RORA: variants seen among roughly 807,000 people sequenced by gnomAD.
The protein encoded by RORA is RAR related orphan receptor A, also known as nuclear receptor ROR-alpha.
A neutral mutation model predicts 69.5 loss-of-function variants in RORA; 7 were observed. That is an observed-to-expected ratio of 0.10 (90% CI 0.06 to 0.19). The LOEUF is 0.19. Ranked by LOEUF, RORA falls within the 10% of genes least tolerant of loss-of-function variation. The pLI, the probability that RORA is intolerant of heterozygous loss-of-function variation, is 1.00. For missense variants in RORA, 457 were observed against 663.0 expected, an observed-to-expected ratio of 0.69 and a Z score of 3.41; for synonymous variants, 261 against 240.8, an observed-to-expected ratio of 1.08 and a Z score of -0.78.
At chr15:61,120,210 T>C (rs554938497) in intron 1 of RORA, among the ~76,000 whole-genome samples, 2 of 152,092 alleles carry the variant, frequency 1.3e-5, no homozygotes, top group African/African-American at 2.4e-5. Context: ...TAAAAATTTA[T>C]TAGGCCATAT....
At chr15:60,679,282 G>A (rs2070605977) in intron 1 of RORA, among the ~76,000 whole-genome samples, 1 of 152,136 alleles carries the variant, frequency 6.6e-6, no homozygotes, top group South Asian at 2.1e-4. Flanking sequence ...TCATACAGTT[G>A]AAACACAACT....
intron 1 of RORA, among the ~76,000 whole-genome samples, chr15:61,223,257 T>C (rs1430917848): frequency 7.2e-6 from 1 of 138,626 alleles, no homozygotes; most frequent in Admixed American, 8.3e-5. Flanking sequence ...GAGGTTGTAC[T>C]GAGCTGAGAT....
chr15:60,568,245 T>C (rs1187449407), intron 2 of RORA, among the ~76,000 whole-genome samples: 1 of 152,114 alleles, frequency 6.6e-6, no homozygotes. Flanking sequence ...CTGTGCACCT[T>C]TCTGTTCTGC....
intron 1 of RORA, among the ~76,000 whole-genome samples, chr15:60,846,844 C>T (rs1288501555): frequency 2.0e-5 from 3 of 152,308 alleles, no homozygotes; most frequent in Non-Finnish European, 4.4e-5. Flanking sequence ...ATCGAATATG[C>T]TTCTCACATA....
chr15:61,227,803 G>A (rs1596087304), intron 1 of RORA, among the ~76,000 whole-genome samples: 1 of 152,156 alleles, frequency 6.6e-6, no homozygotes, highest in Non-Finnish European at 1.5e-5. Context: ...CGGCTCGCGC[G>A]AGCACGCTTC....
Position 61,009,362 on chromosome 15 carries a change from A to G in RORA, c.166+219691T>C, listed in dbSNP as rs1183815127. 3.3e-5 allele frequency among the ~76,000 whole-genome samples: 5 copies of G among 152,244 alleles called. No individual in the cohort carries two copies. The South Asian group carries it at 8.3e-4, about 25-fold the overall frequency. ...GGGCTTGCAGCCCTCGTTTCACTCT[A>G]ATGAAAGAAACTGCCACAACTCTGG... On this transcript the variant is annotated intron_variant, in intron 1 of 10. Transcript: ENST00000335670.
intron 1 of RORA, among the ~76,000 whole-genome samples, chr15:60,834,923 A>C (rs2073096650): frequency 6.6e-6 from 1 of 152,248 alleles, no homozygotes; most frequent in East Asian, 1.9e-4. Context: ...TCCAAAAAAA[A>C]ACTATCTTTG....
chr15:60,522,872 C>A (rs2066218380), intron 3 of RORA, among the ~76,000 whole-genome samples: 1 of 151,448 alleles, frequency 6.6e-6, no homozygotes, highest in African/African-American at 2.4e-5. Context: ...GAGTTCGAGA[C>A]CAGCCTGACC....
intron 1 of RORA, among the ~76,000 whole-genome samples, chr15:60,710,158 T>C (rs2071123670): frequency 6.6e-6 from 1 of 152,204 alleles, no homozygotes; most frequent in Non-Finnish European, 1.5e-5. Flanking sequence ...TATCTTGCCT[T>C]GCACTTAGAC....
At chr15:60,622,623 G>T (rs2069447369) in intron 2 of RORA, among the ~76,000 whole-genome samples, 1 of 152,156 alleles carries the variant, frequency 6.6e-6, no homozygotes, top group East Asian at 1.9e-4. Context: ...GCCAGACCCG[G>T]TCTCAAACAA....
At chr15:60,693,535 T>C (rs1567158730) in intron 1 of RORA, among the ~76,000 whole-genome samples, 1 of 152,124 alleles carries the variant, frequency 6.6e-6, no homozygotes, top group Non-Finnish European at 1.5e-5. Flanking sequence ...TGATCCTATA[T>C]CTAGAAAACC....
intron 1 of RORA, among the ~76,000 whole-genome samples, chr15:61,043,841 G>C (rs1053929044): frequency 3.3e-5 from 5 of 152,080 alleles, no homozygotes; most frequent in African/African-American, 1.2e-4. Flanking sequence ...TGGCTGGTAC[G>C]ACAGGTGGTG....
At chr15:60,769,358 C>T (rs2072038650) in intron 1 of RORA, among the ~76,000 whole-genome samples, 1 of 152,118 alleles carries the variant, frequency 6.6e-6, no homozygotes, top group African/African-American at 2.4e-5. Flanking sequence ...GTTAGGTGCT[C>T]TTACATGGTA....
intron 10 of RORA, among the ~76,000 whole-genome samples, chr15:60,497,927 C>T (rs1198776761): frequency 4.0e-5 from 6 of 151,716 alleles, no homozygotes; most frequent in East Asian, 1.9e-4. Flanking sequence ...GGCATGGCAG[C>T]GTGCGCCTGT....
rs1405644437 is a variant in RORA, at chr15:60,516,039, T to TTATATATTTA, written c.283-1292_283-1283dup. On this transcript the variant is annotated intron_variant, in intron 3 of 10. Coordinates refer to ENST00000335670, the MANE Select transcript of RORA (RefSeq NM_134261.3). ...TATATATTTATATATTTATATATAT[T>TTATATATTTA]TATATATTTATATATATTTATATAT... 4.3e-4 allele frequency among the ~76,000 whole-genome samples: 5 copies of TTATATATTTA among 11,664 alleles called. 1 individual carries two copies. The highest frequency in any genetic ancestry group is 1.6e-3 in the African/African-American group (5 of 3,140). 7.7% of individuals were successfully genotyped at this position (11,664 alleles called of 152,430 possible).
intron 2 of RORA, among the ~76,000 whole-genome samples, chr15:60,662,391 T>C (rs1423231474): frequency 6.6e-6 from 1 of 152,218 alleles, no homozygotes; most frequent in African/African-American, 2.4e-5. Context: ...ACTGTCAAAA[T>C]CTAAAAAGTA....
intron 5 of RORA, among the ~76,000 whole-genome samples, chr15:60,509,489 T>C (rs993877148): frequency 6.6e-6 from 1 of 152,242 alleles, no homozygotes; most frequent in Non-Finnish European, 1.5e-5. Flanking sequence ...CAGCCATTTC[T>C]GGCCCCACTT....
chr15:60,895,968 A>G (rs1891222211), intron 1 of RORA, among the ~76,000 whole-genome samples: 1 of 152,228 alleles, frequency 6.6e-6, no homozygotes, highest in Admixed American at 6.5e-5. Flanking sequence ...AAACCTTTTC[A>G]ATGGCAGCCT....
In RORA at chr15:60,507,215, A is replaced by G. The variant is rs367764663; in HGVS notation, c.821-1586T>C. On this transcript the variant is annotated intron_variant, in intron 5 of 10. Transcript: ENST00000335670. The stretch of plus-strand genomic sequence containing the variant: ...GACAAAATCCCATGAATATAAAACC[A>G]TATCAAAAAATGATCCCTCTCCCTA... 9.2e-5 allele frequency among the ~76,000 whole-genome samples: 14 copies of G among 152,326 alleles called. No homozygotes were observed. The South Asian group carries it at 1.9e-3, about 20-fold the overall frequency.
Sources: gnomAD v4.1 joint callset for allele counts (sites outside exome capture counted in the v4.1 genomes callset) on GRCh38, gnomAD v4.1.1 for gene constraint, MANE v1.5 for transcripts, NCBI Gene and HGNC (gene_info 2026-07-23, HGNC 2026-07-21) for gene names.